Variants in RERE observed in about 807,000 individuals in gnomAD.
RERE encodes the protein arginine-glutamic acid dipeptide repeats.
RERE carries 40 observed loss-of-function variants against 146.1 expected under a neutral mutation model. That is an observed-to-expected ratio of 0.27 (90% CI 0.21 to 0.36). The LOEUF (loss-of-function observed/expected upper bound fraction) is 0.36, where lower values mean the gene tolerates loss of function less well. RERE is among the 10% of genes least tolerant of loss of function. The pLI is 1.00. For synonymous variants in RERE, 1,003 were observed against 866.0 expected (o/e 1.16, Z -2.78); for missense variants, 1,933 against 2,138.7 (o/e 0.90, Z 1.90).
At chr1:8,397,227 C>G (rs552119895) in intron 12 of RERE, among the ~76,000 whole-genome samples, 1 of 152,252 alleles carries the variant, frequency 6.6e-6, no homozygotes, top group East Asian at 1.9e-4. Context: ...TCTCTTCACA[C>G]GTATTGTGAT....
At chr1:8,742,846 T>C (rs1257855049) in intron 1 of RERE, among the ~76,000 whole-genome samples, 2 of 143,502 alleles carry the variant, frequency 1.4e-5, no homozygotes, top group East Asian at 2.0e-4. Context: ...CCAGCCTGGG[T>C]GACAGAGTGA....
At chr1:8,632,560 T>C (rs2124255132) in intron 2 of RERE, among the ~76,000 whole-genome samples, 1 of 152,366 alleles carries the variant, frequency 6.6e-6, no homozygotes, top group Admixed American at 6.5e-5. Context: ...TTTAAACTCA[T>C]TCAAGCCTGG....
At chr1:8,445,168 C>T (rs1232461676) in intron 11 of RERE, among the ~76,000 whole-genome samples, 2 of 152,120 alleles carry the variant, frequency 1.3e-5, no homozygotes, top group Non-Finnish European at 2.9e-5. Context: ...AAAGGAAGAC[C>T]CAGAAATTCT....
chr1:8,658,788 A>G (rs1460035979), intron 1 of RERE, among the ~76,000 whole-genome samples: 3 of 151,984 alleles, frequency 2.0e-5, no homozygotes, highest in East Asian at 1.9e-4. Flanking sequence ...AAGAAAGAAA[A>G]AAGAAAATTC....
intron 1 of RERE, among the ~76,000 whole-genome samples, chr1:8,701,623 G>C (rs548335926): frequency 6.6e-6 from 1 of 152,110 alleles, no homozygotes; most frequent in Non-Finnish European, 1.5e-5. Flanking sequence ...GTGTAATCTT[G>C]GTCAATTCTA....
intron 1 of RERE, among the ~76,000 whole-genome samples, chr1:8,794,714 C>T (rs1365648257): frequency 1.3e-5 from 2 of 151,750 alleles, no homozygotes; most frequent in African/African-American, 2.4e-5. Flanking sequence ...CTGGGCAACA[C>T]GGCAAAACCC....
In RERE at chr1:8,492,710, G is replaced by A. The variant is rs983020960; in HGVS notation, c.1104+2353C>T. Among the ~76,000 whole-genome samples the A allele has an allele frequency of 8.5e-5, 13 of 152,246 alleles. No homozygotes were observed. The East Asian group carries it at 2.3e-3, about 27-fold the overall frequency. The stretch of plus-strand genomic sequence containing the variant: ...AGCCCAGGAGTCCGAGACCAGCCTG[G>A]GCAATACAGTGGGACCTCATCTTGA... On this transcript the variant is annotated intron_variant, in intron 10 of 22. Coordinates refer to ENST00000400908, the MANE Select transcript of RERE (RefSeq NM_001042681.2).
In RERE at chr1:8,423,761, C is replaced by T. The variant is rs1183631965; in HGVS notation, c.1204-954G>A. The T allele has an allele frequency of 3.4e-6, 3 of 881,206 alleles. No individual in the cohort carries two copies. The East Asian group carries it at 3.6e-4, about 106-fold the overall frequency. 54.6% of individuals were successfully genotyped at this position (881,206 alleles called of 1,614,324 possible). Reference sequence around the variant, plus strand: ...GGCCCGGGGGGCGCGGGGCTGGGGCCGCCGCTGACGGGGGAGGAGGCAGGA... The same window carrying T: ...GGCCCGGGGGGCGCGGGGCTGGGGCTGCCGCTGACGGGGGAGGAGGCAGGA... On this transcript the variant is annotated intron_variant, in intron 11 of 22. Transcript: ENST00000400908. This position sits in a 1 kb window ranked among gnomAD's most constrained non-coding sequence, Gnocchi z 5.4.
intron 8 of RERE, among the ~76,000 whole-genome samples, chr1:8,498,732 T>C (rs4908502): frequency 0.021 from 2,317 of 107,778 alleles, 143 homozygotes; most frequent in African/African-American, 0.07. Flanking sequence ...AATAAATATA[T>C]ACACACACAC....
At chr1:8,445,090 G>A (rs898360926) in intron 11 of RERE, among the ~76,000 whole-genome samples, 2 of 152,096 alleles carry the variant, frequency 1.3e-5, no homozygotes, top group Admixed American at 6.5e-5. Flanking sequence ...GTGGGTATGC[G>A]CTTTCAGGCA....
intron 4 of RERE, among the ~76,000 whole-genome samples, chr1:8,590,053 C>T (rs1430297736): frequency 1.3e-5 from 2 of 152,170 alleles, no homozygotes; most frequent in African/African-American, 2.4e-5. Context: ...ATCAGCACCA[C>T]CTCAGGACTA....
chr1:8,757,150 G>A (rs2124524562), intron 1 of RERE, among the ~76,000 whole-genome samples: 1 of 150,252 alleles, frequency 6.7e-6, no homozygotes, highest in South Asian at 2.1e-4. Flanking sequence ...TCATAAAGAT[G>A]GAAGATAATG....
At position 8,543,982 on chromosome 1, in the gene RERE, C is replaced by T. The variant is rs74751858; in HGVS notation, c.726-2664G>A. Among the ~76,000 whole-genome samples, 1,214 of 152,284 alleles carry T rather than the reference C, an allele frequency of 8.0e-3. 13 individuals carry two copies. Among genetic ancestry groups the T allele is most frequent in the African/African-American group, 0.028 (1,160 of 41,548 alleles). On this transcript the variant is annotated intron_variant, in intron 6 of 22. Transcript: ENST00000400908. ...TTATGCTTCTAATTGCACTGTACCTCTAATACAATGTGGAAAGAGTGAACA... is the reference window on the plus strand; with the variant it reads ...TTATGCTTCTAATTGCACTGTACCTTTAATACAATGTGGAAAGAGTGAACA...
chr1:8,638,310 A>G (rs77910017), intron 2 of RERE, among the ~76,000 whole-genome samples: 1,648 of 152,346 alleles, frequency 0.011, 16 homozygotes, highest in South Asian at 0.027. Context: ...GAGAATACCT[A>G]TAATTTATAC....
intron 12 of RERE, among the ~76,000 whole-genome samples, chr1:8,375,897 CAT>C (rs1366259720): frequency 6.6e-6 from 1 of 152,254 alleles, no homozygotes; most frequent in East Asian, 1.9e-4. Flanking sequence ...TAAGCTAAGC[CAT>C]ATCTTTTTAT....
intron 17 of RERE, 125 bp from the exon 18 acceptor site, chr1:8,361,615 C>T: frequency 7.1e-7 from 1 of 1,407,680 alleles, no homozygotes. Context: ...TCCGGGACCA[C>T]AGGTCGTGCC....
chr1:8,800,857 C>G (rs1033930164), intron 1 of RERE, among the ~76,000 whole-genome samples: 2 of 152,026 alleles, frequency 1.3e-5, no homozygotes, highest in Non-Finnish European at 2.9e-5. Flanking sequence ...CCCAGCTATT[C>G]GAGAGGCTGA....
intron 7 of RERE, among the ~76,000 whole-genome samples, chr1:8,514,372 C>T (rs189063288): frequency 4.4e-4 from 67 of 152,348 alleles, no homozygotes; most frequent in South Asian, 4.1e-4. Context: ...CTCCTCAAGA[C>T]AATCACTGTC....
At chr1:8,799,822 T>C (rs1641552474) in intron 1 of RERE, among the ~76,000 whole-genome samples, 1 of 94,514 alleles carries the variant, frequency 1.1e-5, no homozygotes, top group Admixed American at 1.5e-4. Context: ...GTTTTTTTGC[T>C]TTTTTTTAAG....
Sources: gnomAD v4.1 joint callset for allele counts (sites outside exome capture counted in the v4.1 genomes callset) on GRCh38, gnomAD v4.1.1 for gene constraint, Gnocchi (gnomAD v3.1) non-coding constraint, MANE v1.5 for transcripts, NCBI Gene and HGNC (gene_info 2026-07-23, HGNC 2026-07-21) for gene names.